The following CABLES1 variants were observed in gnomAD, a reference collection of about 807,000 sequenced individuals.
The protein encoded by CABLES1 is Cdk5 and Abl enzyme substrate 1, also known as CDK5 and ABL1 enzyme substrate 1.
CABLES1 carries 36 observed loss-of-function variants against 57.8 expected under a neutral mutation model. The ratio of observed to expected loss-of-function variants is 0.62; its 90% CI spans 0.48 to 0.82. The LOEUF is 0.82. Among genes scored for constraint, CABLES1 ranks in the 40% least tolerant of loss-of-function variants. The probability of loss-of-function intolerance (pLI) is 0.00; values close to 1 mark genes in which losing one functional copy is unlikely to be tolerated. For missense variants in CABLES1, 767 were observed against 836.6 expected (o/e 0.92, Z 1.03); for synonymous variants, 374 against 363.0 (o/e 1.03, Z -0.35).
intron 1 of CABLES1, among the ~76,000 whole-genome samples, chr18:23,162,598 G>A (rs190452051): frequency 2.0e-5 from 3 of 152,316 alleles, no homozygotes; most frequent in African/African-American, 7.2e-5. Flanking sequence ...GTTGGGTTAA[G>A]TGCCGTGGAA....
At position 23,135,771 on chromosome 18, in the gene CABLES1, G is replaced by GGCGGCGGCGGCCGCCACC; in HGVS notation, c.10_27dup (p.Ala4_Thr9dup). The GGCGGCGGCGGCCGCCACC allele has an allele frequency of 1.0e-6, 1 of 985,134 alleles. No homozygotes were observed. The allele number at this position is 985,134 out of a possible 1,614,324, so 61.0% of individuals were successfully genotyped here. On this transcript the variant is annotated inframe_insertion, in exon 1 of 10. Coordinates refer to ENST00000256925, the MANE Select transcript of CABLES1 (RefSeq NM_001100619.3). ...CGCCGCAGACGGACACAATGGCGGCGGCGGCGGCGGCCGCCACCACGGCCG... is the reference window on the plus strand; with the variant it reads ...CGCCGCAGACGGACACAATGGCGGCGGCGGCGGCGGCCGCCACCGCGGCGGCGGCCGCCACCACGGCCG...
At chr18:23,186,961 T>A (rs1008275262) in intron 1 of CABLES1, among the ~76,000 whole-genome samples, 5 of 152,174 alleles carry the variant, frequency 3.3e-5, no homozygotes, top group Non-Finnish European at 5.9e-5. Context: ...TAACTGGGAT[T>A]TCAGAGGGCT....
chr18:23,226,279 G>A (rs746846062), intron 4 of CABLES1, among the ~76,000 whole-genome samples: 18 of 152,204 alleles, frequency 1.2e-4, no homozygotes, highest in Non-Finnish European at 1.9e-4. Context: ...GCATGTGCCC[G>A]TAGTCCCAGC....
At chr18:23,230,841 G>A (rs2047562289) in intron 4 of CABLES1, among the ~76,000 whole-genome samples, 1 of 152,132 alleles carries the variant, frequency 6.6e-6, no homozygotes, top group Non-Finnish European at 1.5e-5. Context: ...ACACATGCTG[G>A]TTGTTGTTCC....
At chr18:23,190,122 G>C (rs1568060671) in intron 2 of CABLES1, among the ~76,000 whole-genome samples, 1 of 152,292 alleles carries the variant, frequency 6.6e-6, no homozygotes, top group East Asian at 1.9e-4. Flanking sequence ...GTGGGAGAAG[G>C]CCATTTCCCT....
intron 3 of CABLES1, among the ~76,000 whole-genome samples, chr18:23,207,013 T>G (rs555781325): frequency 6.6e-6 from 1 of 152,312 alleles, no homozygotes. Context: ...GGTCTCATTA[T>G]GTTGCCCAGG....
At chr18:23,223,856 TG>T in intron 4 of CABLES1, among the ~76,000 whole-genome samples, 1 of 152,236 alleles carries the variant, frequency 6.6e-6, no homozygotes, top group East Asian at 1.9e-4. Context: ...GAATAAAGAC[TG>T]GGTATGGGTT....
chr18:23,161,376 G>A (rs1049832649), intron 1 of CABLES1, among the ~76,000 whole-genome samples: 1 of 151,772 alleles, frequency 6.6e-6, no homozygotes, highest in Non-Finnish European at 1.5e-5. Flanking sequence ...TGTGTTAAAA[G>A]TGAGTGACAA....
chr18:23,221,084 C>T (rs1157690895), intron 4 of CABLES1, among the ~76,000 whole-genome samples: 1 of 152,184 alleles, frequency 6.6e-6, no homozygotes, highest in Non-Finnish European at 1.5e-5. Flanking sequence ...ATTTAGGGAG[C>T]AGTAAGGGTC....
chr18:23,206,103 C>T (rs1337349569), intron 3 of CABLES1, among the ~76,000 whole-genome samples: 2 of 152,196 alleles, frequency 1.3e-5, no homozygotes, highest in African/African-American at 4.8e-5. Context: ...GGTGCTCTGA[C>T]TTCGTGAGCT....
intron 7 of CABLES1, among the ~76,000 whole-genome samples, chr18:23,242,552 CCCTCTT>C (rs771802444): frequency 6.6e-6 from 1 of 152,014 alleles, no homozygotes; most frequent in Non-Finnish European, 1.5e-5. Flanking sequence ...GTTTTTTTCC[CCCTCTT>C]TATGGGTGTG....
chr18:23,165,381 A>G (rs9949705), intron 1 of CABLES1, among the ~76,000 whole-genome samples: 125,730 of 152,246 alleles, frequency 0.83, 52,338 homozygotes, highest in African/African-American at 0.91. Flanking sequence ...TACAAGGTGT[A>G]AGCCACTGTG....
At chr18:23,177,418 TACACACACACACACACAC>T (rs10692529) in intron 1 of CABLES1, among the ~76,000 whole-genome samples, 1 of 144,638 alleles carries the variant, frequency 6.9e-6, no homozygotes, top group Non-Finnish European at 1.5e-5. Context: ...AGCACATGTG[TACACACACACACACACAC>T]ACACACACAC....
intron 1 of CABLES1, among the ~76,000 whole-genome samples, chr18:23,173,201 G>A (rs536446512): frequency 1.3e-5 from 2 of 152,368 alleles, no homozygotes; most frequent in South Asian, 2.1e-4. Flanking sequence ...CTGTGCTGGA[G>A]CATCTGTCGA....
intron 1 of CABLES1, among the ~76,000 whole-genome samples, chr18:23,183,146 C>T (rs1468244290): frequency 6.6e-6 from 1 of 152,210 alleles, no homozygotes. Context: ...GAAATAGGTC[C>T]AATGACCCTT....
At position 23,234,601 on chromosome 18, in the gene CABLES1, C is replaced by G; in HGVS notation, c.1089-7C>G. 3 of 1,611,122 alleles carry G rather than the reference C, an allele frequency of 1.9e-6. No individual in the cohort carries two copies. Among genetic ancestry groups the G allele is most frequent in the Non-Finnish European group, 2.5e-6 (3 of 1,177,342 alleles). On this transcript the variant is annotated splice_polypyrimidine_tract_variant and splice_region_variant and intron_variant, in intron 4 of 9. Transcript: ENST00000256925. ...GCATTTTTTTTTCCTCTGACTTGTC[C>G]TCCCAGGGACTTGAAGTTGGACGGA... is the stretch of plus-strand genomic sequence containing the variant.
At chr18:23,178,636 G>T (rs1432972803) in intron 1 of CABLES1, among the ~76,000 whole-genome samples, 1 of 152,134 alleles carries the variant, frequency 6.6e-6, no homozygotes, top group East Asian at 1.9e-4. Flanking sequence ...TAGCAGGACA[G>T]CAGTGGGCAG....
chr18:23,248,375 T>C (rs913558520), intron 7 of CABLES1, among the ~76,000 whole-genome samples: 1 of 152,050 alleles, frequency 6.6e-6, no homozygotes, highest in Non-Finnish European at 1.5e-5. Context: ...CAGCATCCAC[T>C]CTAGCAAGTT....
intron 1 of CABLES1, among the ~76,000 whole-genome samples, chr18:23,177,561 G>T (rs1180663006): frequency 2.0e-5 from 3 of 152,102 alleles, no homozygotes; most frequent in Non-Finnish European, 4.4e-5. Flanking sequence ...GCCAAGCCTG[G>T]CCCTCTGATT....
Sources: allele counts gnomAD v4.1 joint callset (sites outside exome capture counted in the v4.1 genomes callset), GRCh38; gene constraint gnomAD v4.1.1; transcripts MANE v1.5; gene names NCBI Gene and HGNC (gene_info 2026-07-23, HGNC 2026-07-21).